The following ARHGAP42 variants were observed in gnomAD, a reference collection of about 807,000 sequenced individuals.
The protein encoded by ARHGAP42 is rho GTPase-activating protein 42.
In ARHGAP42, 63 loss-of-function variants were observed where a neutral mutation model predicts 125.0. The ratio of observed to expected loss-of-function variants is 0.50; its 90% CI spans 0.41 to 0.62. The LOEUF (loss-of-function observed/expected upper bound fraction) is 0.62, where lower values mean the gene tolerates loss of function less well. ARHGAP42 is among the 20% of genes least tolerant of loss of function. The pLI, the probability that ARHGAP42 is intolerant of heterozygous loss-of-function variation, is 0.00. For synonymous variants in ARHGAP42, 339 were observed against 351.0 expected (o/e 0.97, Z 0.38); for missense variants, 766 against 1,024.2 (o/e 0.75, Z 3.44).
At chr11:100,804,084 C>T (rs1863929639) in intron 3 of ARHGAP42, among the ~76,000 whole-genome samples, 1 of 152,154 alleles carries the variant, frequency 6.6e-6, no homozygotes, top group African/African-American at 2.4e-5. Flanking sequence ...ATCCTCCTGC[C>T]TCAGCCTCCT....
intron 1 of ARHGAP42, among the ~76,000 whole-genome samples, chr11:100,712,589 A>T (rs1036496432): frequency 6.6e-6 from 1 of 151,920 alleles, no homozygotes; most frequent in Non-Finnish European, 1.5e-5. Flanking sequence ...GGTGGGAGGG[A>T]GGGACCTCCT....
rs1395733150 is a variant in ARHGAP42 at position 100,992,642 on chromosome 11, C to G, written c.*3841C>G. ...CATTGTCACCGTTATCCCCCTGCTT[C>G]AAAATGTGCCAGTTCCACTTGGTAA... is the stretch of plus-strand genomic sequence containing the variant. On this transcript the variant is annotated 3_prime_UTR_variant, in exon 24 of 24. Coordinates refer to ENST00000298815, the MANE Select transcript of ARHGAP42 (RefSeq NM_152432.4). 1 of 1,612,390 alleles carries G rather than the reference C, an allele frequency of 6.2e-7. No homozygotes were observed. Among genetic ancestry groups the G allele is most frequent in the Non-Finnish European group, 8.5e-7 (1 of 1,179,212 alleles).
chr11:100,751,095 C>T (rs4087602), intron 1 of ARHGAP42, among the ~76,000 whole-genome samples: 38,428 of 151,318 alleles, frequency 0.25, 5,091 homozygotes, highest in Non-Finnish European at 0.29. Flanking sequence ...CCTGCCACCA[C>T]GCCTGGCTAA....
intron 1 of ARHGAP42, among the ~76,000 whole-genome samples, chr11:100,725,154 T>C (rs1264799485): frequency 2.0e-5 from 3 of 151,972 alleles, no homozygotes; most frequent in African/African-American, 7.2e-5. Flanking sequence ...GCGCCCATTT[T>C]ATTGCTTTTA....
chr11:100,822,309 G>A (rs1245293373), intron 3 of ARHGAP42, among the ~76,000 whole-genome samples: 2 of 151,680 alleles, frequency 1.3e-5, no homozygotes, highest in African/African-American at 2.4e-5. Context: ...ATTTTTCAAC[G>A]TTAAAAAAAA....
rs1426681612 is a variant in ARHGAP42 at position 100,976,288 on chromosome 11, A to G, written c.2087A>G (p.Asp696Gly). ...SSSREDATKTDAESDCQSVAS... is the reference protein window; with the variant it reads ...SSSREDATKTGAESDCQSVAS... ...TCCAGAGAAGATGCAACCAAGACAGATGCAGAATCAGACTGCCAGAGTGTT... is the reference window on the plus strand; with the variant it reads ...TCCAGAGAAGATGCAACCAAGACAGGTGCAGAATCAGACTGCCAGAGTGTT... The change falls in exon 20 of 24, where the codon GAT (aspartate) becomes GGT (glycine). Residue 696 changes from aspartate to glycine, a missense_variant. Physicochemically the swap from Asp to Gly is moderately conservative, Grantham distance 94. Transcript: ENST00000298815. 8 of 1,551,642 alleles carry G rather than the reference A, an allele frequency of 5.2e-6. No individual in the cohort carries two copies. Among genetic ancestry groups the G allele is most frequent in the Non-Finnish European group, 7.0e-6 (8 of 1,146,930 alleles).
At chr11:100,914,080 A>G (rs1171758528) in intron 5 of ARHGAP42, among the ~76,000 whole-genome samples, 1 of 152,040 alleles carries the variant, frequency 6.6e-6, no homozygotes, top group Admixed American at 6.6e-5. Context: ...GATTACAGGC[A>G]TGTGCCACCA....
chr11:100,895,796 G>A (rs1379019304), intron 4 of ARHGAP42, among the ~76,000 whole-genome samples: 2 of 152,030 alleles, frequency 1.3e-5, no homozygotes, highest in African/African-American at 4.8e-5. Flanking sequence ...TTCTATTACA[G>A]TGAAAAAGGA....
At chr11:100,748,245 T>G (rs1862350480) in intron 1 of ARHGAP42, among the ~76,000 whole-genome samples, 1 of 152,200 alleles carries the variant, frequency 6.6e-6, no homozygotes, top group Admixed American at 6.5e-5. Context: ...ATAAGTACTT[T>G]AAGGCTTAGC....
intron 1 of ARHGAP42, among the ~76,000 whole-genome samples, chr11:100,764,187 G>A (rs538894730): frequency 1.6e-4 from 24 of 152,092 alleles, no homozygotes; most frequent in African/African-American, 5.5e-4. Context: ...GCACCCAGCT[G>A]ATTTTAAATC....
rs139316907 is a variant in ARHGAP42, at chr11:100,744,910, C to T, written c.155-25433C>T. Reference sequence around the variant, plus strand: ...GAGCAGTGGTGAGCTCACACCTGGACAAGGGACAGGGGAGTTCTTATTCCT... The same window carrying T: ...GAGCAGTGGTGAGCTCACACCTGGATAAGGGACAGGGGAGTTCTTATTCCT... On this transcript the variant is annotated intron_variant, in intron 1 of 23. Transcript: ENST00000298815. Among the ~76,000 whole-genome samples the T allele has an allele frequency of 8.1e-3, 1,240 of 152,282 alleles. 17 individuals carry two copies. Among genetic ancestry groups the T allele is most frequent in the African/African-American group, 0.028 (1,169 of 41,568 alleles).
At chr11:100,701,476 T>C (rs1861395570) in intron 1 of ARHGAP42, among the ~76,000 whole-genome samples, 4 of 152,254 alleles carry the variant, frequency 2.6e-5, no homozygotes, top group African/African-American at 9.6e-5. Flanking sequence ...TCTTGTTTAT[T>C]GTAGCCACCT....
intron 3 of ARHGAP42, among the ~76,000 whole-genome samples, chr11:100,802,993 G>A (rs531166098): frequency 3.9e-5 from 6 of 152,084 alleles, no homozygotes; most frequent in Non-Finnish European, 5.9e-5. Flanking sequence ...AAATACCTGC[G>A]CTCATGAAGC....
chr11:100,882,628 G>T (rs1865988622), intron 4 of ARHGAP42, among the ~76,000 whole-genome samples: 2 of 151,922 alleles, frequency 1.3e-5, no homozygotes, highest in Admixed American at 6.6e-5. Flanking sequence ...ATGATTTAAG[G>T]ATTCCCTCTT....
chr11:100,837,144 A>G (rs1487318787), intron 3 of ARHGAP42, among the ~76,000 whole-genome samples: 1 of 152,146 alleles, frequency 6.6e-6, no homozygotes, highest in Non-Finnish European at 1.5e-5. Context: ...AATTTGCTTT[A>G]CGACTCTTTG....
chr11:100,986,416 G>T, intron 22 of ARHGAP42: 1 of 225,862 alleles, frequency 4.4e-6, no homozygotes. Flanking sequence ...AGTAGAGTAG[G>T]AGAGCAGAGG....
chr11:100,811,244 C>A (rs1253465975), intron 3 of ARHGAP42, among the ~76,000 whole-genome samples: 1 of 152,158 alleles, frequency 6.6e-6, no homozygotes, highest in African/African-American at 2.4e-5. Context: ...GCGCGAGCTA[C>A]CATGCCTGGC....
At chr11:100,775,456 G>A (rs1455093551) in intron 2 of ARHGAP42, among the ~76,000 whole-genome samples, 1 of 152,150 alleles carries the variant, frequency 6.6e-6, no homozygotes, top group African/African-American at 2.4e-5. Context: ...AATACCCATT[G>A]CATCAGTCCT....
intron 2 of ARHGAP42, among the ~76,000 whole-genome samples, chr11:100,770,784 G>C (rs1424034137): frequency 1.3e-5 from 2 of 152,164 alleles, no homozygotes; most frequent in African/African-American, 4.8e-5. Context: ...TCACCATTTT[G>C]GTCAGCCTGG....
Sources: allele counts gnomAD v4.1 joint callset (sites outside exome capture counted in the v4.1 genomes callset), GRCh38; gene constraint gnomAD v4.1.1; transcripts MANE v1.5; gene names NCBI Gene and HGNC (gene_info 2026-07-23, HGNC 2026-07-21).